Variants in ZMAT3 observed in about 807,000 individuals in gnomAD.
ZMAT3 encodes zinc finger matrin-type 3, also known as zinc finger matrin-type protein 3.
In ZMAT3, 17 loss-of-function variants were observed where a neutral mutation model predicts 32.3. That is an observed-to-expected ratio of 0.53 (90% CI 0.36 to 0.79). The LOEUF is 0.79. ZMAT3 is among the 30% of genes least tolerant of loss of function. The pLI, the probability that ZMAT3 is intolerant of heterozygous loss-of-function variation, is 0.00. For missense variants in ZMAT3, 329 were observed against 359.7 expected, an observed-to-expected ratio of 0.91 and a Z score of 0.69; for synonymous variants, 120 against 133.1, an observed-to-expected ratio of 0.90 and a Z score of 0.68.
chr3:179,065,721 C>T lies in ZMAT3; in HGVS notation c.270+1762G>A, dbSNP rs141401978. Among the ~76,000 whole-genome samples the T allele has an allele frequency of 7.8e-4, 118 of 152,162 alleles. 2 individuals are homozygous for T. The highest frequency in any genetic ancestry group is 3.4e-3 in the Middle Eastern group (1 of 294). On this transcript the variant is annotated intron_variant, in intron 2 of 5. Transcript: ENST00000311417. ...GCTTTGGGAGGCTGAATCTAGCCAA[C>T]ATGGCAAACCTCCATCTCTACCAAA...
chr3:179,033,005 G>C (rs535099407), intron 2 of ZMAT3, among the ~76,000 whole-genome samples: 1 of 152,376 alleles, frequency 6.6e-6, no homozygotes, highest in East Asian at 1.9e-4. Flanking sequence ...AGCTCATTGA[G>C]AACGGGCCAC....
rs1396590901 is a variant in ZMAT3, at chr3:179,022,647, AAT to A, written c.*2368_*2369del. On this transcript the variant is annotated 3_prime_UTR_variant, in exon 6 of 6. Transcript: ENST00000311417. The stretch of plus-strand genomic sequence containing the variant: ...TTACTGAAAAAATAATAATAATAAT[AAT>A]AATAAAAGGGTTATTATACTAAGAG... The A allele has an allele frequency of 2.6e-5, 4 of 151,340 alleles. No homozygotes were observed. The allele number at this position is 151,340 out of a possible 1,614,324, so 9.4% of individuals were successfully genotyped here. A position where few individuals can be genotyped will look rare whatever the true frequency, so the allele number is the denominator to read the frequency against.
chr3:179,040,673 T>C (rs1208164080), intron 2 of ZMAT3, among the ~76,000 whole-genome samples: 1 of 152,110 alleles, frequency 6.6e-6, no homozygotes, highest in East Asian at 1.9e-4. Context: ...CATCAATTAA[T>C]GGGCAAAACA....
At chr3:179,038,890 G>T (rs555231128) in intron 2 of ZMAT3, among the ~76,000 whole-genome samples, 1 of 152,232 alleles carries the variant, frequency 6.6e-6, no homozygotes, top group Non-Finnish European at 1.5e-5. Flanking sequence ...CTTAGCAACC[G>T]GAAAACAAGG....
intron 2 of ZMAT3, among the ~76,000 whole-genome samples, chr3:179,035,644 C>A (rs1560087623): frequency 6.6e-6 from 1 of 151,970 alleles, no homozygotes; most frequent in African/African-American, 2.4e-5. Flanking sequence ...GTAATGTAGA[C>A]TTCTTGAAAA....
intron 2 of ZMAT3, among the ~76,000 whole-genome samples, chr3:179,032,776 G>A (rs940682446): frequency 2.8e-4 from 43 of 151,478 alleles, no homozygotes; most frequent in Admixed American, 8.5e-4. Context: ...CAGCCGCCCC[G>A]TCTGGGAAGT....
chr3:179,062,717 AAT>A (rs1721212439), intron 2 of ZMAT3, among the ~76,000 whole-genome samples: 1 of 152,208 alleles, frequency 6.6e-6, no homozygotes, highest in South Asian at 2.1e-4. Context: ...TACATTTGAA[AAT>A]CATTTTATTT....
chr3:179,037,010 T>G (rs1719629465), intron 2 of ZMAT3, among the ~76,000 whole-genome samples: 1 of 152,196 alleles, frequency 6.6e-6, no homozygotes, highest in African/African-American at 2.4e-5. Context: ...AAACCTCTTT[T>G]GGGTCCCCTC....
chr3:179,044,222 G>A (rs1193633416), intron 2 of ZMAT3, among the ~76,000 whole-genome samples: 1 of 152,080 alleles, frequency 6.6e-6, no homozygotes, highest in Non-Finnish European at 1.5e-5. Flanking sequence ...CCATTACTAG[G>A]TATATACCCA....
intron 5 of ZMAT3, among the ~76,000 whole-genome samples, chr3:179,027,200 G>C (rs1718916849): frequency 6.6e-6 from 1 of 152,030 alleles, no homozygotes; most frequent in South Asian, 2.1e-4. Context: ...CTAAAACACA[G>C]ACTATAGTGT....
At chr3:179,062,656 T>C (rs1721208891) in intron 2 of ZMAT3, among the ~76,000 whole-genome samples, 1 of 152,200 alleles carries the variant, frequency 6.6e-6, no homozygotes, top group Admixed American at 6.5e-5. Context: ...GGATTGATTA[T>C]TGGGTAAATG....
At chr3:179,040,903 A>G (rs1195358109) in intron 2 of ZMAT3, among the ~76,000 whole-genome samples, 1 of 21,842 alleles carries the variant, frequency 4.6e-5, no homozygotes, top group South Asian at 1.3e-3. Flanking sequence ...ATGGAAAGCA[A>G]AAAAAAAAAA....
chr3:179,049,962 A>G (rs1485019337), intron 2 of ZMAT3, among the ~76,000 whole-genome samples: 1 of 122,116 alleles, frequency 8.2e-6, no homozygotes, highest in African/African-American at 3.1e-5. Flanking sequence ...ACTGCACTCT[A>G]GTCTGGGTGA....
Position 179,026,660 on chromosome 3 carries a change from A to G in ZMAT3, c.658+763T>C, listed in dbSNP as rs113777236. ...CTCAGCCTCCCAAAGTGCTGGGATTACACGCACGAGCCACAGGAGCCTGGC... is the reference window on the plus strand; with the variant it reads ...CTCAGCCTCCCAAAGTGCTGGGATTGCACGCACGAGCCACAGGAGCCTGGC... On this transcript the variant is annotated intron_variant, in intron 5 of 5. Transcript: ENST00000311417. Among the ~76,000 whole-genome samples the G allele has an allele frequency of 2.7e-4, 41 of 152,260 alleles. 1 individual carries two copies. The highest frequency in any genetic ancestry group is 9.6e-4 in the African/African-American group (40 of 41,566).
In ZMAT3 at chr3:179,067,704, G is replaced by A. The variant is rs1472162988; in HGVS notation, c.49C>T (p.Pro17Ser). 1.2e-6 allele frequency: 2 copies of A among 1,614,062 alleles called. No homozygotes were observed. Among genetic ancestry groups the A allele is most frequent in the African/African-American group, 2.7e-5 (2 of 74,926 alleles). The change falls in exon 2 of 6, where the codon CCC becomes TCC. Residue 17 changes from proline to serine, a missense_variant. Pro to Ser is a moderately conservative substitution (Grantham distance 74). Transcript: ENST00000311417. ...GTGGCCACTGACATAGGAGGCGAGG[G>A]TGAGGGCTGCTTAGGTGGAGGAAGC... ...AVLPPPKQPS[P>S]SPPMSVATRS...
At chr3:179,058,080 T>A (rs1275875398) in intron 2 of ZMAT3, among the ~76,000 whole-genome samples, 1 of 152,168 alleles carries the variant, frequency 6.6e-6, no homozygotes, top group African/African-American at 2.4e-5. Context: ...GTAAGGAAAT[T>A]GATGTAGTGG....
At chr3:179,050,889 A>C (rs1357270569) in intron 2 of ZMAT3, among the ~76,000 whole-genome samples, 1 of 152,232 alleles carries the variant, frequency 6.6e-6, no homozygotes, top group African/African-American at 2.4e-5. Flanking sequence ...CAAAAATCAT[A>C]TGATCACCTC....
rs995409056 is a variant in ZMAT3 at position 179,019,153 on chromosome 3, T to G, written c.*5864A>C. The G allele has an allele frequency of 5.3e-5, 8 of 152,050 alleles. No individual in the cohort carries two copies. The highest frequency in any genetic ancestry group is 8.8e-5 in the Non-Finnish European group (6 of 67,962). The allele number at this position is 152,050 out of a possible 1,614,324, so 9.4% of individuals were successfully genotyped here. ...GAAAAGAAAAATTATATTGAAACTT[T>G]AAAATTTATGACAAGCACTTAAAAA... On this transcript the variant is annotated 3_prime_UTR_variant, in exon 6 of 6. Transcript: ENST00000311417.
At position 179,020,036 on chromosome 3, in the gene ZMAT3, T is replaced by C. The variant is rs891493292; in HGVS notation, c.*4981A>G. The C allele has an allele frequency of 2.0e-5, 3 of 152,094 alleles. No individual in the cohort carries two copies. Among genetic ancestry groups the C allele is most frequent in the East Asian group, 1.9e-4 (1 of 5,192 alleles). 9.4% of individuals were successfully genotyped at this position (152,094 alleles called of 1,614,324 possible). A position where few individuals can be genotyped will look rare whatever the true frequency, so the allele number is the denominator to read the frequency against. On this transcript the variant is annotated 3_prime_UTR_variant, in exon 6 of 6. Coordinates refer to ENST00000311417, the MANE Select transcript of ZMAT3 (RefSeq NM_022470.4). Reference sequence around the variant, plus strand: ...TATGGTTTCTGATCAATAATGACAATAGTTTTACTTGATATCAAATTGACA... The same window carrying C: ...TATGGTTTCTGATCAATAATGACAACAGTTTTACTTGATATCAAATTGACA...
Sources: allele counts gnomAD v4.1 joint callset (sites outside exome capture counted in the v4.1 genomes callset), GRCh38; gene constraint gnomAD v4.1.1; transcripts MANE v1.5; gene names NCBI Gene and HGNC (gene_info 2026-07-23, HGNC 2026-07-21).